Variants in SEPTIN6 observed in about 807,000 individuals in gnomAD.
SEPTIN6 encodes septin-6.
Under a neutral mutation model 33.6 loss-of-function variants are expected in SEPTIN6, and 8 were observed. The observed-to-expected ratio is 0.24, with a 90% CI of 0.14 to 0.43. The LOEUF (loss-of-function observed/expected upper bound fraction) is 0.43, where lower values mean the gene tolerates loss of function less well. SEPTIN6 is among the 20% of genes least tolerant of loss of function. The probability of loss-of-function intolerance (pLI) is 1.00; values close to 1 mark genes in which losing one functional copy is unlikely to be tolerated. For synonymous variants in SEPTIN6, 131 were observed against 140.0 expected, an observed-to-expected ratio of 0.94 and a Z score of 0.45; for missense variants, 250 against 340.8, an observed-to-expected ratio of 0.73 and a Z score of 2.10.
At chrX:119,636,935 C>A in intron 7 of SEPTIN6, 92 bp downstream of exon 7, 1 of 1,053,929 alleles carries the variant, frequency 9.5e-7, no homozygotes. Flanking sequence ...TGTCTCGCCT[C>A]CCCTGTGAAT....
intron 2 of SEPTIN6, among the ~76,000 whole-genome samples, chrX:119,670,236 T>G (rs2054717942): frequency 9.0e-6 from 1 of 111,268 alleles, no homozygotes. Flanking sequence ...AGTCATAATA[T>G]GTTCACACTC....
chrX:119,668,158 T>G (rs1185971841), intron 2 of SEPTIN6, among the ~76,000 whole-genome samples: 7 of 109,782 alleles, frequency 6.4e-5, no homozygotes, highest in Non-Finnish European at 1.1e-4. Context: ...TAGCCGTGCA[T>G]GGTGGCAGGC....
chrX:119,639,049 C>T (rs1019113597), intron 6 of SEPTIN6, among the ~76,000 whole-genome samples: 1 of 112,172 alleles, frequency 8.9e-6, no homozygotes, highest in Non-Finnish European at 1.9e-5. Flanking sequence ...GTCCAGAAAC[C>T]ATTTGCAAAC....
chrX:119,617,099 C>T lies in SEPTIN6; in HGVS notation c.*2994G>A, dbSNP rs983896340. On this transcript the variant is annotated 3_prime_UTR_variant, in exon 11 of 11. Transcript: ENST00000394610. ...TTAAGAGAAGTGAGGGATGTGTGTA[C>T]GTGTGTGTGTGTGTGTGTGTGTGTG... 7.1e-6 allele frequency: 5 copies of T among 699,940 alleles called. No individual in the cohort carries two copies. Among genetic ancestry groups the T allele is most frequent in the Non-Finnish European group, 5.1e-6 (3 of 583,100 alleles). 57.7% of individuals were successfully genotyped at this position (699,940 alleles called of 1,213,427 possible).
intron 2 of SEPTIN6, among the ~76,000 whole-genome samples, chrX:119,665,792 G>A (rs9633185): frequency 7.1e-4 from 79 of 111,381 alleles, no homozygotes; most frequent in Non-Finnish European, 1.3e-3. Context: ...TAAAGAGTCA[G>A]TAGAGAGGGC....
At chrX:119,673,891 CAG>C (rs1160887028) in intron 2 of SEPTIN6, among the ~76,000 whole-genome samples, 1 of 94,818 alleles carries the variant, frequency 1.1e-5, no homozygotes, top group Non-Finnish European at 2.2e-5. Context: ...AAAGAAAAAA[CAG>C]AATTTCTGAA....
chrX:119,640,616 T>C (rs2054143636), intron 6 of SEPTIN6, 76 bp downstream of exon 6: 1 of 842,171 alleles, frequency 1.2e-6, no homozygotes. Flanking sequence ...AAACTTGTCA[T>C]ATAGTGGCTG....
chrX:119,632,768 T>C (rs113940883), intron 8 of SEPTIN6, among the ~76,000 whole-genome samples: 4 of 111,319 alleles, frequency 3.6e-5, no homozygotes, highest in African/African-American at 1.3e-4. Flanking sequence ...GCTGGGACTA[T>C]AGGCATGTGC....
chrX:119,639,174 TG>T (rs1371092775), intron 6 of SEPTIN6, among the ~76,000 whole-genome samples: 1 of 112,222 alleles, frequency 8.9e-6, no homozygotes, highest in Non-Finnish European at 1.9e-5. Context: ...AGTGGGTGTG[TG>T]GGGTGTCCTA....
In SEPTIN6 at chrX:119,619,141, C is replaced by G; in HGVS notation, c.*952G>C. The G allele has an allele frequency of 2.3e-6, 2 of 854,829 alleles. No individual in the cohort carries two copies. The highest frequency in any genetic ancestry group is 5.8e-5 in the East Asian group (1 of 17,256). 70.4% of individuals were successfully genotyped at this position (854,829 alleles called of 1,213,427 possible). A position where few individuals can be genotyped will look rare whatever the true frequency, so the allele number is the denominator to read the frequency against. On this transcript the variant is annotated 3_prime_UTR_variant, in exon 11 of 11. Transcript: ENST00000394610. ...GAACTAGAAGACTCATCAGAGCAAACCCCCAAACACTTGATTCTTTTGACA... is the reference window on the plus strand; with the variant it reads ...GAACTAGAAGACTCATCAGAGCAAAGCCCCAAACACTTGATTCTTTTGACA...
chrX:119,642,657 G>A (rs1163230223), intron 5 of SEPTIN6, among the ~76,000 whole-genome samples: 1 of 111,447 alleles, frequency 9.0e-6, no homozygotes, highest in African/African-American at 3.3e-5. Context: ...CAAATCTGTC[G>A]CTTGTTTGTT....
rs2054373307 is a variant in SEPTIN6 at position 119,652,883 on chromosome X, G to A, written c.499C>T (p.Leu167=). 8.3e-7 allele frequency: 1 copy of A among 1,208,250 alleles called. No individual in the cohort carries two copies. The highest frequency in any genetic ancestry group is 1.1e-6 in the Non-Finnish European group (1 of 894,721). The part of the protein sequence containing the change: ...PTGHSLKSLD[L]VTMKKLDSKV... ...CTGTCCAGCTTCTTCATAGTCACTAGGTCCAGAGACTTCAGGGAATGACCC... is the reference window on the plus strand; with the variant it reads ...CTGTCCAGCTTCTTCATAGTCACTAAGTCCAGAGACTTCAGGGAATGACCC... The change falls in exon 4 of 11, where the codon CTA becomes TTA. Residue 167 remains leucine, a synonymous_variant. Transcript: ENST00000394610.
Position 119,663,481 on chromosome X carries a change from C to T in SEPTIN6, c.341+1G>A. The T allele has an allele frequency of 4.5e-6, 2 of 441,180 alleles. No homozygotes were observed. Among genetic ancestry groups the T allele is most frequent in the Non-Finnish European group, 3.9e-6 (1 of 256,112 alleles). The allele number at this position is 441,180 out of a possible 1,213,427, so 36.4% of individuals were successfully genotyped here. On this transcript the variant is annotated splice_donor_variant, in intron 3 of 10. Transcript: ENST00000394610. LOFTEE classifies it high-confidence loss of function. ...CTACCCCACCCCACCGCCTTCTTTACCTGTCCTCTTTGTTGATCTGGTCCC... is the reference window on the plus strand; with the variant it reads ...CTACCCCACCCCACCGCCTTCTTTATCTGTCCTCTTTGTTGATCTGGTCCC...
At chrX:119,622,053 CA>C (rs60920941) in intron 10 of SEPTIN6, among the ~76,000 whole-genome samples, 38 of 106,807 alleles carry the variant, frequency 3.6e-4, no homozygotes, top group Non-Finnish European at 5.6e-4. Flanking sequence ...ACAACAACAA[CA>C]AAAAAAAACA....
rs1300178716 is a variant in SEPTIN6 at position 119,617,446 on chromosome X, TAC to T, written c.*2645_*2646del. 3.7e-6 allele frequency: 3 copies of T among 804,308 alleles called. No individual in the cohort carries two copies. Among genetic ancestry groups the T allele is most frequent in the Admixed American group, 7.5e-5 (1 of 13,280 alleles). The allele number at this position is 804,308 out of a possible 1,213,427, so 66.3% of individuals were successfully genotyped here. A position where few individuals can be genotyped will look rare whatever the true frequency, so the allele number is the denominator to read the frequency against. ...TATAAGGGTCACCTAGGGCACCTGT[TAC>T]ACACAGTCTCCTGGACCCCGTTCCA... On this transcript the variant is annotated 3_prime_UTR_variant, in exon 11 of 11. Coordinates refer to ENST00000394610, the MANE Select transcript of SEPTIN6 (RefSeq NM_145799.4).
At chrX:119,659,496 A>T (rs1319571980) in intron 3 of SEPTIN6, among the ~76,000 whole-genome samples, 1 of 111,790 alleles carries the variant, frequency 8.9e-6, no homozygotes, top group African/African-American at 3.3e-5. Context: ...ATTCCTTCCC[A>T]TATACTACAT....
intron 2 of SEPTIN6, among the ~76,000 whole-genome samples, chrX:119,668,570 A>G (rs2147602151): frequency 8.9e-6 from 1 of 111,912 alleles, no homozygotes; most frequent in East Asian, 2.8e-4. Context: ...TTTGTCCTCA[A>G]TTTATAGATG....
chrX:119,677,402 G>A (rs753011478), intron 1 of SEPTIN6, among the ~76,000 whole-genome samples: 3 of 112,388 alleles, frequency 2.7e-5, no homozygotes, highest in Non-Finnish European at 5.6e-5. Context: ...ACAGGGGAGG[G>A]GAGGGGACAG....
chrX:119,650,087 G>A lies in SEPTIN6; in HGVS notation c.540C>T (p.Ile180=). The A allele has an allele frequency of 8.3e-7, 1 of 1,211,163 alleles. No individual in the cohort carries two copies. Among genetic ancestry groups the A allele is most frequent in the Non-Finnish European group, 1.1e-6 (1 of 895,205 alleles). ...MKKLDSKVNI[I]PIIAKADAIS... The stretch of plus-strand genomic sequence containing the variant: ...TGGCATCTGCTTTGGCAATGATGGG[G>A]ATGATGTTCACCTAGGGAGAGGAGG... Residue 180 remains isoleucine, a synonymous_variant, in exon 5 of 11, where the codon ATC becomes ATT. Coordinates refer to ENST00000394610, the MANE Select transcript of SEPTIN6 (RefSeq NM_145799.4).
Sources: allele counts gnomAD v4.1 joint callset (sites outside exome capture counted in the v4.1 genomes callset), GRCh38; gene constraint gnomAD v4.1.1; transcripts MANE v1.5; gene names NCBI Gene and HGNC (gene_info 2026-07-23, HGNC 2026-07-21).